SNX21: variants seen among roughly 807,000 people sequenced by gnomAD.
SNX21 encodes sorting nexin family member 21.
SNX21 carries 36 observed loss-of-function variants against 30.9 expected under a neutral mutation model. The observed-to-expected ratio is 1.16, with a 90% CI of 0.89 to 1.54. The LOEUF is 1.54. Ranked by LOEUF, SNX21 falls within the 40% of genes most tolerant of loss-of-function variation. The pLI is 0.00. For missense variants in SNX21, 508 were observed against 516.5 expected, an observed-to-expected ratio of 0.98 and a Z score of 0.16; for synonymous variants, 218 against 222.7, an observed-to-expected ratio of 0.98 and a Z score of 0.19.
In SNX21 at chr20:45,834,404, GGAC is replaced by G. The variant is rs753249253; in HGVS notation, c.231_233del (p.Asp77del). 112 of 1,601,808 alleles carry G rather than the reference GGAC, an allele frequency of 7.0e-5. No individual in the cohort carries two copies. Among genetic ancestry groups the G allele is most frequent in the Middle Eastern group, 4.9e-4 (3 of 6,078 alleles). On this transcript the variant is annotated inframe_deletion, in exon 2 of 4. Coordinates refer to ENST00000491381, the MANE Select transcript of SNX21 (RefSeq NM_033421.4). The stretch of plus-strand genomic sequence containing the variant: ...AGGACGACGAGGACGACGAGGACGA[GGAC>G]GACGAGGAGGCTGGCCCTGACCAGC...
chr20:45,841,670 G>C lies in SNX21; in HGVS notation c.*357G>C, dbSNP rs1166548680. The C allele has an allele frequency of 1.4e-6, 2 of 1,421,136 alleles. No individual in the cohort carries two copies. Among genetic ancestry groups the C allele is most frequent in the East Asian group, 5.1e-5 (2 of 38,938 alleles). The allele number at this position is 1,421,136 out of a possible 1,614,324, so 88.0% of individuals were successfully genotyped here. A position where few individuals can be genotyped will look rare whatever the true frequency, so the allele number is the denominator to read the frequency against. On this transcript the variant is annotated 3_prime_UTR_variant, in exon 4 of 4. Transcript: ENST00000491381. ...CTGCCCCTGGAGTCCTGGAGTTAAG[G>C]GATGAAGGCAAGGCTGCAGGTCTGG...
intron 3 of SNX21, among the ~76,000 whole-genome samples, chr20:45,836,512 AAAAAAT>A (rs1490704275): frequency 2.7e-5 from 4 of 150,252 alleles, no homozygotes; most frequent in African/African-American, 9.9e-5. Context: ...AAAAAAAAAA[AAAAAAT>A]TTTGAGACAG....
chr20:45,833,862 G>A lies in SNX21; in HGVS notation c.-58G>A. 2 of 1,299,914 alleles carry A rather than the reference G, an allele frequency of 1.5e-6. No homozygotes were observed. The highest frequency in any genetic ancestry group is 4.1e-5 in the Admixed American group (1 of 24,378). 80.5% of individuals were successfully genotyped at this position (1,299,914 alleles called of 1,614,324 possible). A position where few individuals can be genotyped will look rare whatever the true frequency, so the allele number is the denominator to read the frequency against. On this transcript the variant is annotated 5_prime_UTR_variant, in exon 1 of 4. Coordinates refer to ENST00000491381, the MANE Select transcript of SNX21 (RefSeq NM_033421.4). Reference sequence around the variant, plus strand: ...CGGCGGAGCCCTGCAGAACCCGGCCGACCTCCATGGGCTGCGGGGGGCTGC... The same window carrying A: ...CGGCGGAGCCCTGCAGAACCCGGCCAACCTCCATGGGCTGCGGGGGGCTGC...
Position 45,834,430 on chromosome 20 carries a change from A to G in SNX21, c.251A>G (p.Gln84Arg). Residue 84 changes from glutamine to arginine, a missense_variant, in exon 2 of 4, where the codon CAG (glutamine) becomes CGG (arginine). Coordinates refer to ENST00000491381, the MANE Select transcript of SNX21 (RefSeq NM_033421.4). ...GACGACGAGGAGGCTGGCCCTGACC[A>G]GCTGCCCCTCGGGGATGGGACGTCA... ...DEDDEEAGPD[Q>R]LPLGDGTSGE... The G allele has an allele frequency of 1.2e-6, 2 of 1,606,844 alleles. No individual in the cohort carries two copies. The highest frequency in any genetic ancestry group is 2.7e-5 in the African/African-American group (2 of 75,040).
chr20:45,842,184 G>T lies in SNX21; in HGVS notation c.*871G>T. On this transcript the variant is annotated 3_prime_UTR_variant, in exon 4 of 4. Coordinates refer to ENST00000491381, the MANE Select transcript of SNX21 (RefSeq NM_033421.4). Reference sequence around the variant, plus strand: ...AAAGGGTCTGGCCCAGGGCAGGGCTGCCCCACACAAGGGTGCACTGAGTGT... The same window carrying T: ...AAAGGGTCTGGCCCAGGGCAGGGCTTCCCCACACAAGGGTGCACTGAGTGT... 4.0e-6 allele frequency: 6 copies of T among 1,495,816 alleles called. No homozygotes were observed. Among genetic ancestry groups the T allele is most frequent in the Non-Finnish European group, 5.3e-6 (6 of 1,130,042 alleles). 92.7% of individuals were successfully genotyped at this position (1,495,816 alleles called of 1,614,324 possible).
In SNX21 at chr20:45,841,011, G is replaced by A; in HGVS notation, c.820G>A (p.Gly274Ser). Residue 274 changes from glycine (G) to serine (S), a missense_variant, in exon 4 of 4, where the codon GGC becomes AGC. Physicochemically the swap from Gly to Ser is moderately conservative, Grantham distance 56 (BLOSUM62 0). Transcript: ENST00000491381. ...ANAWQLQAQL[G>S]TPSGPDRPLL... ...TGCCTGGCAGCTGCAAGCCCAGCTGGGCACCCCCTCTGGCCCAGACCGCCC... is the reference window on the plus strand; with the variant it reads ...TGCCTGGCAGCTGCAAGCCCAGCTGAGCACCCCCTCTGGCCCAGACCGCCC... 6.2e-7 allele frequency: 1 copy of A among 1,609,828 alleles called. No individual in the cohort carries two copies. The highest frequency in any genetic ancestry group is 1.1e-5 in the South Asian group (1 of 90,802).
In SNX21 at chr20:45,840,826, G is replaced by A. The variant is rs747311073; in HGVS notation, c.635G>A (p.Arg212His). ...RNFTAETIAR[R>H]SRAFEQFLGH... ...TTTACTGCAGAGACCATTGCCCGCC[G>A]TAGCCGGGCCTTTGAGCAGTTTTTG... Residue 212 changes from arginine to histidine, a missense_variant, in exon 4 of 4, where the codon CGT becomes CAT. Arg to His is a conservative substitution (Grantham distance 29). Coordinates refer to ENST00000491381, the MANE Select transcript of SNX21 (RefSeq NM_033421.4). 3.5e-5 allele frequency: 56 copies of A among 1,613,844 alleles called. No individual in the cohort carries two copies. Among genetic ancestry groups the A allele is most frequent in the Middle Eastern group, 1.6e-4 (1 of 6,084 alleles).
rs74176824 is a variant in SNX21 at position 45,836,490 on chromosome 20, CAAAAAAAAAA to C, written c.447+1392_447+1401del. On this transcript the variant is annotated intron_variant, in intron 3 of 3. Transcript: ENST00000491381. ...TGGGCAACAGAGCGAGACTCCGTCT[CAAAAAAAAAA>C]AAAAAAAAAAAAAAAAATTTTGAGA... Among the ~76,000 whole-genome samples the C allele has an allele frequency of 2.9e-3, 151 of 51,336 alleles. 1 individual carries two copies. Among genetic ancestry groups the C allele is most frequent in the Non-Finnish European group, 4.8e-3 (136 of 28,448 alleles). The allele number at this position is 51,336 out of a possible 152,430, so 33.7% of individuals were successfully genotyped here.
At chr20:45,840,324 G>A (rs1983940972) in intron 3 of SNX21, 1 of 1,562,496 alleles carries the variant, frequency 6.4e-7, no homozygotes, top group Admixed American at 1.9e-5. Flanking sequence ...TTTTCCAGAG[G>A]GGGCTGTCAG....
rs769725365 is a variant in SNX21, at chr20:45,840,916, C to T, written c.725C>T (p.Pro242Leu). ...GACCTGCAGGACTTCTTCGTGCTGC[C>T]GGAGCTGCGGCGGGCACAGAGCCTC... Reference protein sequence around the residue: ...APDLQDFFVLPELRRAQSLTC... With the variant: ...APDLQDFFVLLELRRAQSLTC... The change falls in exon 4 of 4, where the codon CCG becomes CTG. Residue 242 changes from proline to leucine, a missense_variant. Coordinates refer to ENST00000491381, the MANE Select transcript of SNX21 (RefSeq NM_033421.4). 5 of 1,612,286 alleles carry T rather than the reference C, an allele frequency of 3.1e-6. No homozygotes were observed. In the South Asian group the frequency reaches 5.5e-5, roughly 18 times the overall value.
At chr20:45,836,112 CT>C (rs1221063646) in intron 3 of SNX21, among the ~76,000 whole-genome samples, 1 of 152,300 alleles carries the variant, frequency 6.6e-6, no homozygotes, top group East Asian at 1.9e-4. Context: ...CCTCTCCACC[CT>C]TTTCTGTTGC....
rs200858123 is a variant in SNX21 at position 45,840,650 on chromosome 20, C to T, written c.459C>T (p.Leu153=). Reference sequence around the variant, plus strand: ...CACCCTCCCTGCAGCTCTACACCCTCGCCGTGATCGGCCCAGGACCGCCAG... The same window carrying T: ...CACCCTCCCTGCAGCTCTACACCCTTGCCGTGATCGGCCCAGGACCGCCAG... ...DPPSKYVLYT[L]AVIGPGPPDC... Residue 153 remains leucine (L), a synonymous_variant, in exon 4 of 4, where the codon CTC becomes CTT. Transcript: ENST00000491381. The T allele has an allele frequency of 6.8e-6, 11 of 1,614,050 alleles. No homozygotes were observed. The highest frequency in any genetic ancestry group is 2.7e-5 in the African/African-American group (2 of 74,940).
At position 45,834,182 on chromosome 20, in the gene SNX21, C is replaced by G; in HGVS notation, c.22-19C>G. The G allele has an allele frequency of 1.4e-6, 2 of 1,480,812 alleles. No homozygotes were observed. The highest frequency in any genetic ancestry group is 1.8e-6 in the Non-Finnish European group (2 of 1,125,070). The allele number at this position is 1,480,812 out of a possible 1,614,324, so 91.7% of individuals were successfully genotyped here. ...CCCTCCTCCGGGATCCGGTACACAG[C>G]GTCGCGCGCTCCCCCCAGGGTGCCA... On this transcript the variant is annotated intron_variant, in intron 1 of 3. Coordinates refer to ENST00000491381, the MANE Select transcript of SNX21 (RefSeq NM_033421.4).
chr20:45,837,473 G>A (rs1983641337), intron 3 of SNX21, among the ~76,000 whole-genome samples: 1 of 152,348 alleles, frequency 6.6e-6, no homozygotes, highest in South Asian at 2.1e-4. Flanking sequence ...GGAGTGGCTA[G>A]AGTATTGTCA....
In SNX21 at chr20:45,833,906, C is replaced by T; in HGVS notation, c.-14C>T. ...GGGCTGCACCCGGACCCCTGGGGCG[C>T]GGCGCGCCCCTGAATGCACCGTGGG... On this transcript the variant is annotated 5_prime_UTR_variant, in exon 1 of 4. Transcript: ENST00000491381. 7.2e-7 allele frequency: 1 copy of T among 1,381,938 alleles called. No individual in the cohort carries two copies. Among genetic ancestry groups the T allele is most frequent in the Non-Finnish European group, 9.4e-7 (1 of 1,067,930 alleles). The allele number at this position is 1,381,938 out of a possible 1,614,324, so 85.6% of individuals were successfully genotyped here.
intron 3 of SNX21, among the ~76,000 whole-genome samples, chr20:45,838,909 T>TA (rs1983767137): frequency 6.6e-6 from 1 of 151,750 alleles, no homozygotes; most frequent in Non-Finnish European, 1.5e-5. Flanking sequence ...TTTTTTTTTT[T>TA]TTGAGAGAGA....
intron 3 of SNX21, among the ~76,000 whole-genome samples, chr20:45,837,167 T>A (rs1983615725): frequency 6.6e-6 from 1 of 152,174 alleles, no homozygotes; most frequent in Non-Finnish European, 1.5e-5. Context: ...TGGCTGCATG[T>A]TACAAGGTCA....
chr20:45,841,016 C>A lies in SNX21; in HGVS notation c.825C>A (p.Thr275=). The change falls in exon 4 of 4, where the codon ACC becomes ACA. Residue 275 remains threonine (T), a synonymous_variant. Coordinates refer to ENST00000491381, the MANE Select transcript of SNX21 (RefSeq NM_033421.4). ...NAWQLQAQLG[T]PSGPDRPLLT... ...GGCAGCTGCAAGCCCAGCTGGGCAC[C>A]CCCTCTGGCCCAGACCGCCCCCTGC... The A allele has an allele frequency of 6.2e-7, 1 of 1,609,520 alleles. No homozygotes were observed. Among genetic ancestry groups the A allele is most frequent in the Non-Finnish European group, 8.5e-7 (1 of 1,179,080 alleles).
Position 45,835,033 on chromosome 20 carries a change from T to C in SNX21, c.364T>C (p.Ser122Pro). 6.2e-7 allele frequency: 1 copy of C among 1,614,146 alleles called. No homozygotes were observed. The highest frequency in any genetic ancestry group is 8.5e-7 in the Non-Finnish European group (1 of 1,180,032). ...GCAGCTGCAGGATTTCTGGAAGAAG[T>C]CCCGGAACACCTTGGCACCCCAGCG... is the stretch of plus-strand genomic sequence containing the variant. ...ARQLQDFWKK[S>P]RNTLAPQRLL... The change falls in exon 3 of 4, where the codon TCC becomes CCC. Residue 122 changes from serine to proline, a missense_variant. Transcript: ENST00000491381.
Sources: gnomAD v4.1 joint callset for allele counts (sites outside exome capture counted in the v4.1 genomes callset) on GRCh38, gnomAD v4.1.1 for gene constraint, MANE v1.5 for transcripts, NCBI Gene and HGNC (gene_info 2026-07-23, HGNC 2026-07-21) for gene names.